The following NALF1 variants were observed in gnomAD, a reference collection of about 807,000 sequenced individuals.
NALF1 encodes NALCN channel auxiliary factor 1.
In NALF1, 3 loss-of-function variants were observed where a neutral mutation model predicts 48.4. The observed-to-expected ratio is 0.06, with a 90% CI of 0.03 to 0.16. NALF1 has a LOEUF of 0.16. Among genes scored for constraint, NALF1 ranks in the 10% least tolerant of loss-of-function variants. The pLI, the probability that NALF1 is intolerant of heterozygous loss-of-function variation, is 1.00. For synonymous variants in NALF1, 262 were observed against 245.7 expected, an observed-to-expected ratio of 1.07 and a Z score of -0.62; for missense variants, 526 against 571.5, an observed-to-expected ratio of 0.92 and a Z score of 0.81.
intron 1 of NALF1, among the ~76,000 whole-genome samples, chr13:107,547,283 G>A (rs1366697543): frequency 6.6e-6 from 1 of 152,070 alleles, no homozygotes; most frequent in African/African-American, 2.4e-5. Context: ...GAAAGAAACT[G>A]TTCTATTGAA....
intron 1 of NALF1, among the ~76,000 whole-genome samples, chr13:107,408,606 TAA>T (rs1477165708): frequency 6.6e-6 from 1 of 152,136 alleles, no homozygotes; most frequent in Non-Finnish European, 1.5e-5. Flanking sequence ...AACACAATTT[TAA>T]CAAGTGATAT....
At chr13:107,623,059 G>T (rs920524329) in intron 1 of NALF1, among the ~76,000 whole-genome samples, 7 of 152,106 alleles carry the variant, frequency 4.6e-5, no homozygotes, top group Admixed American at 3.9e-4. Context: ...ATGCTCTTAA[G>T]AATGTCATGA....
intron 1 of NALF1, among the ~76,000 whole-genome samples, chr13:107,571,581 T>C (rs1261597767): frequency 6.6e-6 from 1 of 152,172 alleles, no homozygotes; most frequent in Non-Finnish European, 1.5e-5. Context: ...TGTAATAAAC[T>C]AGTAAGTAAA....
rs544794432 is a variant in NALF1, at chr13:107,564,789, T to A, written c.915+300893A>T. 3.9e-5 allele frequency among the ~76,000 whole-genome samples: 6 copies of A among 152,104 alleles called. No individual in the cohort carries two copies. In the East Asian group the frequency reaches 1.2e-3, roughly 29 times the overall value. ...CAATAGGACAGGGCTTCTCTTTGGGTCACTTTTCCAATCTACAGTTCAGCT... is the reference window on the plus strand; with the variant it reads ...CAATAGGACAGGGCTTCTCTTTGGGACACTTTTCCAATCTACAGTTCAGCT... On this transcript the variant is annotated intron_variant, in intron 1 of 2. Coordinates refer to ENST00000375915, the MANE Select transcript of NALF1 (RefSeq NM_001080396.3).
chr13:107,470,009 C>T (rs1885074281), intron 1 of NALF1, among the ~76,000 whole-genome samples: 1 of 151,760 alleles, frequency 6.6e-6, no homozygotes, highest in South Asian at 2.1e-4. Flanking sequence ...TCCCAAAGTG[C>T]TGAGATTACA....
chr13:107,436,169 A>G (rs976985363), intron 1 of NALF1, among the ~76,000 whole-genome samples: 4 of 152,226 alleles, frequency 2.6e-5, no homozygotes, highest in East Asian at 3.8e-4. Context: ...ACATTTTTAA[A>G]TAACTGCCTA....
chr13:107,299,433 C>T (rs1019933595), intron 1 of NALF1, among the ~76,000 whole-genome samples: 13 of 84,214 alleles, frequency 1.5e-4, no homozygotes, highest in Non-Finnish European at 2.7e-4. Context: ...GAGACTTTGT[C>T]TCAATAATAA....
At chr13:107,490,669 G>A (rs79064083) in intron 1 of NALF1, among the ~76,000 whole-genome samples, 2,686 of 151,926 alleles carry the variant, frequency 0.018, 92 homozygotes, top group African/African-American at 0.061. Context: ...CATGACAGGC[G>A]TTTACATATG....
At chr13:107,343,064 A>G (rs779926792) in intron 1 of NALF1, among the ~76,000 whole-genome samples, 11 of 152,214 alleles carry the variant, frequency 7.2e-5, no homozygotes, top group Non-Finnish European at 1.2e-4. Context: ...ACCCCATAAA[A>G]GCAAAATACA....
At chr13:107,785,652 T>G (rs962387921) in intron 1 of NALF1, among the ~76,000 whole-genome samples, 1 of 152,140 alleles carries the variant, frequency 6.6e-6, no homozygotes, top group Non-Finnish European at 1.5e-5. Context: ...AGTAAATAAC[T>G]TACTCATGTA....
chr13:107,789,120 G>C (rs902573208), intron 1 of NALF1: 8 of 152,186 alleles, frequency 5.3e-5, no homozygotes, highest in African/African-American at 1.9e-4. Flanking sequence ...ACTGGATCAA[G>C]AGAAGAAATA....
rs149280854 is a variant in NALF1, at chr13:107,223,273, T to TAC, written c.916-12520_916-12519dup. ...TAGTTGTTAAATATATATGTATACA[T>TAC]ACACACACATATATATAAGAAAGTC... On this transcript the variant is annotated intron_variant, in intron 1 of 2. Transcript: ENST00000375915. Among the ~76,000 whole-genome samples the TAC allele has an allele frequency of 9.3e-3, 1,417 of 152,318 alleles. 16 individuals carry two copies. Among genetic ancestry groups the TAC allele is most frequent in the African/African-American group, 0.032 (1,324 of 41,574 alleles).
chr13:107,508,766 G>C (rs1041594641), intron 1 of NALF1, among the ~76,000 whole-genome samples: 1 of 151,930 alleles, frequency 6.6e-6, no homozygotes, highest in Non-Finnish European at 1.5e-5. Context: ...CACAACTGAT[G>C]CAAAATCAGA....
intron 2 of NALF1, among the ~76,000 whole-genome samples, chr13:107,193,389 TAAC>T (rs1044544938): frequency 9.9e-5 from 15 of 152,270 alleles, no homozygotes; most frequent in Non-Finnish European, 1.6e-4. Flanking sequence ...TCCTTATTAC[TAAC>T]AACAACAACA....
At chr13:107,858,767 A>G (rs1880497784) in intron 1 of NALF1, among the ~76,000 whole-genome samples, 1 of 152,182 alleles carries the variant, frequency 6.6e-6, no homozygotes, top group South Asian at 2.1e-4. Flanking sequence ...CCATCTGTAA[A>G]ATCTGTAATA....
chr13:107,329,060 C>T (rs915104927), intron 1 of NALF1, among the ~76,000 whole-genome samples: 1 of 152,188 alleles, frequency 6.6e-6, no homozygotes, highest in Non-Finnish European at 1.5e-5. Context: ...CAGTGTGACA[C>T]TGCAACATCT....
chr13:107,181,477 C>T (rs1222956187), intron 2 of NALF1, among the ~76,000 whole-genome samples: 2 of 151,018 alleles, frequency 1.3e-5, no homozygotes, highest in Admixed American at 6.6e-5. Context: ...TGCTTTTTTG[C>T]TGTGTTTTGT....
At chr13:107,324,872 T>C (rs1200500033) in intron 1 of NALF1, among the ~76,000 whole-genome samples, 2 of 152,242 alleles carry the variant, frequency 1.3e-5, no homozygotes, top group Non-Finnish European at 2.9e-5. Context: ...AGGTATATTA[T>C]TCAATGCCAT....
intron 1 of NALF1, among the ~76,000 whole-genome samples, chr13:107,292,349 T>C (rs769777034): frequency 1.3e-5 from 2 of 152,250 alleles, no homozygotes; most frequent in African/African-American, 2.4e-5. Flanking sequence ...AAGCCTAGGA[T>C]ATTACTGTAC....
Sources: gnomAD v4.1 joint callset for allele counts (sites outside exome capture counted in the v4.1 genomes callset) on GRCh38, gnomAD v4.1.1 for gene constraint, MANE v1.5 for transcripts, NCBI Gene and HGNC (gene_info 2026-07-23, HGNC 2026-07-21) for gene names.